SGIP1: variants seen among roughly 807,000 people sequenced by gnomAD.
The protein encoded by SGIP1 is SH3GL interacting endocytic adaptor 1, also known as SH3-containing GRB2-like protein 3-interacting protein 1.
SGIP1 carries 38 observed loss-of-function variants against 107.5 expected under a neutral mutation model. The ratio of observed to expected loss-of-function variants is 0.35; its 90% confidence interval spans 0.27 to 0.46. The LOEUF (loss-of-function observed/expected upper bound fraction) is 0.46, where lower values mean the gene tolerates loss of function less well. Among genes scored for constraint, SGIP1 ranks in the 20% least tolerant of loss-of-function variants. The probability of loss-of-function intolerance (pLI) is 1.00; values close to 1 mark genes in which losing one functional copy is unlikely to be tolerated. For synonymous variants in SGIP1, 365 were observed against 366.1 expected, an observed-to-expected ratio of 1.00 and a Z score of 0.03; for missense variants, 929 against 1,019.5, an observed-to-expected ratio of 0.91 and a Z score of 1.21.
intron 13 of SGIP1, among the ~76,000 whole-genome samples, chr1:66,679,032 G>A (rs1205818463): frequency 2.0e-5 from 3 of 152,198 alleles, no homozygotes; most frequent in African/African-American, 7.2e-5. Context: ...TCAGAAGGGT[G>A]AATCTCTTCG....
At chr1:66,553,180 T>C (rs2057686520) in intron 1 of SGIP1, among the ~76,000 whole-genome samples, 1 of 152,126 alleles carries the variant, frequency 6.6e-6, no homozygotes, top group South Asian at 2.1e-4. Flanking sequence ...GGCTTCCTGT[T>C]CATTTGCACC....
intron 7 of SGIP1, among the ~76,000 whole-genome samples, chr1:66,651,579 T>C (rs530682642): frequency 1.3e-5 from 2 of 152,304 alleles, no homozygotes; most frequent in Middle Eastern, 6.8e-3. Flanking sequence ...AGGATATCGA[T>C]GGATGCTCAA....
intron 18 of SGIP1, among the ~76,000 whole-genome samples, chr1:66,705,737 G>A (rs973158064): frequency 6.6e-6 from 1 of 152,052 alleles, no homozygotes; most frequent in Non-Finnish European, 1.5e-5. Context: ...AACCATTCAA[G>A]AAATAAACAC....
chr1:66,575,890 A>T (rs960379648), intron 1 of SGIP1, among the ~76,000 whole-genome samples: 3 of 152,214 alleles, frequency 2.0e-5, no homozygotes, highest in African/African-American at 7.2e-5. Flanking sequence ...CTTTGTTATC[A>T]GTGACTCATG....
intron 1 of SGIP1, among the ~76,000 whole-genome samples, chr1:66,556,984 T>C (rs2058272919): frequency 6.6e-6 from 1 of 152,090 alleles, no homozygotes; most frequent in South Asian, 2.1e-4. Context: ...TATTTACAAG[T>C]TTAACATTCA....
chr1:66,656,388 A>G (rs574550647), intron 7 of SGIP1, among the ~76,000 whole-genome samples: 1 of 152,354 alleles, frequency 6.6e-6, no homozygotes, highest in Admixed American at 6.5e-5. Flanking sequence ...AAAAGTAACA[A>G]TAAATAGTAT....
At chr1:66,656,768 A>G (rs1369596645) in intron 7 of SGIP1, among the ~76,000 whole-genome samples, 1 of 152,202 alleles carries the variant, frequency 6.6e-6, no homozygotes, top group Non-Finnish European at 1.5e-5. Context: ...AATATCTGTT[A>G]ATGGCTTAAT....
intron 1 of SGIP1, among the ~76,000 whole-genome samples, chr1:66,618,547 C>G (rs1324777711): frequency 6.6e-6 from 1 of 152,204 alleles, no homozygotes; most frequent in Non-Finnish European, 1.5e-5. Flanking sequence ...GCCAAACAGA[C>G]CTAGCTCAAC....
intron 13 of SGIP1, 128 bp from the exon 14 acceptor site, chr1:66,679,550 C>A (rs2086191313): frequency 3.2e-6 from 3 of 944,558 alleles, no homozygotes; most frequent in South Asian, 1.6e-5. Context: ...AAGAAGTAGA[C>A]CATTAATTGC....
chr1:66,599,000 A>T (rs1373272686), intron 1 of SGIP1, among the ~76,000 whole-genome samples: 2 of 152,188 alleles, frequency 1.3e-5, no homozygotes, highest in African/African-American at 2.4e-5. Flanking sequence ...GTAGAATGAG[A>T]AATGAAGAAG....
intron 5 of SGIP1, among the ~76,000 whole-genome samples, chr1:66,640,523 G>C (rs1211997579): frequency 2.0e-5 from 3 of 152,130 alleles, no homozygotes; most frequent in Admixed American, 1.3e-4. Flanking sequence ...TTGCAGGCAG[G>C]GGGAACAGAG....
chr1:66,583,561 C>T (rs554361960), intron 1 of SGIP1, among the ~76,000 whole-genome samples: 8 of 152,140 alleles, frequency 5.3e-5, no homozygotes, highest in Non-Finnish European at 1.2e-4. Flanking sequence ...CATTCAAGCA[C>T]AATCCTTTAA....
chr1:66,548,737 T>C (rs2056884684), intron 1 of SGIP1, among the ~76,000 whole-genome samples: 1 of 152,090 alleles, frequency 6.6e-6, no homozygotes, highest in Admixed American at 6.6e-5. Context: ...CATGTTTCAT[T>C]TTTCTCTCCA....
chr1:66,685,098 G>T lies in SGIP1; in HGVS notation c.1315+2729G>T, dbSNP rs564122334. Among the ~76,000 whole-genome samples the T allele has an allele frequency of 9.6e-4, 146 of 152,276 alleles. 1 individual carries two copies. Among genetic ancestry groups the T allele is most frequent in the African/African-American group, 3.4e-3 (143 of 41,554 alleles). On this transcript the variant is annotated intron_variant, in intron 15 of 24. Coordinates refer to ENST00000371037, the MANE Select transcript of SGIP1 (RefSeq NM_032291.4). ...ATATAAATTTAAGATTGAAACAATA[G>T]GGTATGGCCTCATGTTTTAAAGATT...
chr1:66,726,643 A>C (rs2093770705), intron 19 of SGIP1, among the ~76,000 whole-genome samples: 1 of 152,236 alleles, frequency 6.6e-6, no homozygotes, highest in South Asian at 2.1e-4. Context: ...GAGAAAGGAC[A>C]GTCTTCTCAA....
intron 18 of SGIP1, among the ~76,000 whole-genome samples, chr1:66,717,796 C>A (rs2093328111): frequency 6.6e-6 from 1 of 152,146 alleles, no homozygotes; most frequent in Non-Finnish European, 1.5e-5. Context: ...ACATTCACTT[C>A]ATACATTTAC....
At chr1:66,698,588 C>T (rs1375233972) in intron 18 of SGIP1, among the ~76,000 whole-genome samples, 4 of 152,000 alleles carry the variant, frequency 2.6e-5, no homozygotes, top group East Asian at 3.9e-4. Context: ...CCGTGTTAGC[C>T]AGGATGGTCT....
chr1:66,602,123 C>G (rs1267122601), intron 1 of SGIP1, among the ~76,000 whole-genome samples: 1 of 152,212 alleles, frequency 6.6e-6, no homozygotes, highest in Non-Finnish European at 1.5e-5. Flanking sequence ...ATTGGCCTCT[C>G]AGACCCCTGG....
At chr1:66,684,508 G>C (rs763790910) in intron 15 of SGIP1, among the ~76,000 whole-genome samples, 1 of 152,088 alleles carries the variant, frequency 6.6e-6, no homozygotes, top group African/African-American at 2.4e-5. Context: ...GACATTACTC[G>C]TCCGTTATAA....
Sources: gnomAD v4.1 joint callset for allele counts (sites outside exome capture counted in the v4.1 genomes callset) on GRCh38, gnomAD v4.1.1 for gene constraint, MANE v1.5 for transcripts, NCBI Gene and HGNC (gene_info 2026-07-23, HGNC 2026-07-21) for gene names.